SLC30A8: variants seen among roughly 807,000 people sequenced by gnomAD.
The protein encoded by SLC30A8 is proton-coupled zinc antiporter SLC30A8.
In SLC30A8, 27 loss-of-function variants were observed where a neutral mutation model predicts 36.9. The observed-to-expected ratio is 0.73, with a 90% CI of 0.54 to 1.01. The LOEUF (loss-of-function observed/expected upper bound fraction) is 1.01. Among genes scored for constraint, SLC30A8 ranks in the 50% least tolerant of loss-of-function variants. The pLI is 0.00. For synonymous variants in SLC30A8, 164 were observed against 172.4 expected, an observed-to-expected ratio of 0.95 and a Z score of 0.38; for missense variants, 439 against 452.0, an observed-to-expected ratio of 0.97 and a Z score of 0.26.
At chr8:117,020,501 T>C (rs917523042) in intron 1 of SLC30A8, among the ~76,000 whole-genome samples, 3 of 152,190 alleles carry the variant, frequency 2.0e-5, no homozygotes, top group African/African-American at 7.2e-5. Context: ...ACATAGTTCT[T>C]GACCTAGCAG....
At chr8:117,072,899 A>C (rs1437733666) in intron 2 of SLC30A8, among the ~76,000 whole-genome samples, 1 of 151,416 alleles carries the variant, frequency 6.6e-6, no homozygotes, top group Non-Finnish European at 1.5e-5. Context: ...TTAGCAATTC[A>C]AATCTTTATT....
At chr8:117,121,300 T>G (rs1563610218) in intron 2 of SLC30A8, among the ~76,000 whole-genome samples, 5 of 151,964 alleles carry the variant, frequency 3.3e-5, no homozygotes, top group Admixed American at 6.6e-5. Context: ...CAATGGAATA[T>G]TATTCAATCT....
chr8:116,984,871 A>G (rs183285041), intron 1 of SLC30A8, among the ~76,000 whole-genome samples: 1 of 152,190 alleles, frequency 6.6e-6, no homozygotes, highest in African/African-American at 2.4e-5. Flanking sequence ...AATCCAATTT[A>G]TAATTTTTTT....
intron 1 of SLC30A8, among the ~76,000 whole-genome samples, chr8:116,981,562 C>T (rs1254520866): frequency 6.6e-6 from 1 of 152,186 alleles, no homozygotes; most frequent in African/African-American, 2.4e-5. Flanking sequence ...TCCTCCCATT[C>T]CTCCCTCTCA....
chr8:117,126,313 T>C, intron 2 of SLC30A8, among the ~76,000 whole-genome samples: 1 of 152,178 alleles, frequency 6.6e-6, no homozygotes, highest in East Asian at 1.9e-4. Context: ...TACTCTGAGC[T>C]TTATATATGA....
chr8:117,068,867 A>G (rs1408848078), intron 2 of SLC30A8, among the ~76,000 whole-genome samples: 1 of 152,116 alleles, frequency 6.6e-6, no homozygotes, highest in Middle Eastern at 3.2e-3. Context: ...GCGAGCCACT[A>G]CATGTGGCAA....
chr8:116,984,768 T>C (rs1415661813), intron 1 of SLC30A8, among the ~76,000 whole-genome samples: 4 of 152,152 alleles, frequency 2.6e-5, no homozygotes, highest in Non-Finnish European at 5.9e-5. Context: ...CTTTGTCTGA[T>C]ATGTAATTTG....
chr8:116,972,559 C>G (rs1303542501), intron 1 of SLC30A8, among the ~76,000 whole-genome samples: 3 of 152,164 alleles, frequency 2.0e-5, no homozygotes, highest in Non-Finnish European at 4.4e-5. Flanking sequence ...GGAGGAGAAG[C>G]TTTAACTTTC....
At chr8:117,087,763 C>T (rs755450780) in intron 2 of SLC30A8, among the ~76,000 whole-genome samples, 47 of 152,082 alleles carry the variant, frequency 3.1e-4, no homozygotes, top group Admixed American at 2.7e-3. Context: ...GCTTATTGTC[C>T]CATACTTCTA....
intron 1 of SLC30A8, among the ~76,000 whole-genome samples, chr8:117,022,938 C>G (rs906285029): frequency 6.6e-6 from 1 of 152,044 alleles, no homozygotes; most frequent in African/African-American, 2.4e-5. Flanking sequence ...GATGAATAGG[C>G]AACCTATAGA....
intron 2 of SLC30A8, among the ~76,000 whole-genome samples, chr8:117,095,465 A>G (rs1282711472): frequency 6.6e-6 from 1 of 151,530 alleles, no homozygotes; most frequent in Non-Finnish European, 1.5e-5. Flanking sequence ...TTTTTTTTGC[A>G]TAAAAATATA....
At chr8:117,159,670 C>T (rs1822676307) in intron 4 of SLC30A8, among the ~76,000 whole-genome samples, 2 of 152,264 alleles carry the variant, frequency 1.3e-5, no homozygotes, top group South Asian at 4.1e-4. Context: ...GACAAATATG[C>T]CAGAGCACAC....
chr8:117,131,322 A>G (rs1586563384), upstream of SLC30A8, among the ~76,000 whole-genome samples: 1 of 152,140 alleles, frequency 6.6e-6, no homozygotes, highest in African/African-American at 2.4e-5. Context: ...CACTGTAGTA[A>G]TAACCATAAA....
At chr8:117,102,294 A>T (rs542972401) in intron 2 of SLC30A8, among the ~76,000 whole-genome samples, 53 of 152,302 alleles carry the variant, frequency 3.5e-4, no homozygotes, top group African/African-American at 1.2e-3. Flanking sequence ...TACCTATTTC[A>T]TGCTCTAAGA....
chr8:116,963,813 T>C (rs1281811581), intron 1 of SLC30A8, among the ~76,000 whole-genome samples: 1 of 152,204 alleles, frequency 6.6e-6, no homozygotes, highest in Non-Finnish European at 1.5e-5. Flanking sequence ...ATTTTTTATT[T>C]AGCTTATTAA....
At chr8:117,081,417 G>A (rs1346958261) in intron 2 of SLC30A8, among the ~76,000 whole-genome samples, 1 of 152,190 alleles carries the variant, frequency 6.6e-6, no homozygotes, top group Non-Finnish European at 1.5e-5. Flanking sequence ...CTGTGTGCAA[G>A]CATCCTTGGC....
At chr8:117,048,499 GT>G (rs1448438282) in intron 2 of SLC30A8, among the ~76,000 whole-genome samples, 1 of 152,112 alleles carries the variant, frequency 6.6e-6, no homozygotes, top group Non-Finnish European at 1.5e-5. Flanking sequence ...GCATCTTTAT[GT>G]ACCTATCACG....
chr8:117,050,662 T>C (rs1173479151), intron 2 of SLC30A8, among the ~76,000 whole-genome samples: 1 of 152,194 alleles, frequency 6.6e-6, no homozygotes, highest in East Asian at 1.9e-4. Flanking sequence ...CTCTTTGGCC[T>C]CTCAAAGTGC....
chr8:117,014,974 C>T (rs558339251), intron 1 of SLC30A8, among the ~76,000 whole-genome samples: 5 of 151,096 alleles, frequency 3.3e-5, no homozygotes, highest in Non-Finnish European at 5.9e-5. Context: ...GAACCCCTGG[C>T]ATTTGGTAAC....
Sources: allele counts gnomAD v4.1 joint callset (sites outside exome capture counted in the v4.1 genomes callset), GRCh38; gene constraint gnomAD v4.1.1; transcripts MANE v1.5; gene names NCBI Gene and HGNC (gene_info 2026-07-23, HGNC 2026-07-21).